KALRN: variants seen among roughly 807,000 people sequenced by gnomAD.
The protein encoded by KALRN is kalirin RhoGEF kinase, also known as kalirin.
In KALRN, 70 loss-of-function variants were observed where a neutral mutation model predicts 353.7. That is an observed-to-expected ratio of 0.20 (90% confidence interval 0.16 to 0.24). KALRN has a LOEUF of 0.24. KALRN is among the 10% of genes least tolerant of loss of function. The probability of loss-of-function intolerance (pLI) is 1.00; values close to 1 mark genes in which losing one functional copy is unlikely to be tolerated. For synonymous variants in KALRN, 1,391 were observed against 1,434.8 expected, an observed-to-expected ratio of 0.97 and a Z score of 0.69; for missense variants, 2,791 against 3,756.7, an observed-to-expected ratio of 0.74 and a Z score of 6.72.
At chr3:124,315,341 A>G (rs938588925) in intron 6 of KALRN, among the ~76,000 whole-genome samples, 2 of 152,152 alleles carry the variant, frequency 1.3e-5, no homozygotes, top group Admixed American at 1.3e-4. Context: ...CAGCCTTCTC[A>G]GTTTTGCTCT....
intron 34 of KALRN, among the ~76,000 whole-genome samples, chr3:124,563,424 T>C (rs1439170169): frequency 6.6e-6 from 1 of 152,162 alleles, no homozygotes; most frequent in African/African-American, 2.4e-5. Context: ...TTTGGCCAAA[T>C]ATGGTTTAGA....
At chr3:124,600,945 C>A (rs1362729563) in intron 34 of KALRN, among the ~76,000 whole-genome samples, 2 of 152,200 alleles carry the variant, frequency 1.3e-5, no homozygotes, top group African/African-American at 4.8e-5. Flanking sequence ...TAAGAAGGAA[C>A]ATGGGCCAGT....
intron 5 of KALRN, among the ~76,000 whole-genome samples, chr3:124,283,101 A>G (rs144557154): frequency 1.6e-3 from 238 of 152,328 alleles, no homozygotes; most frequent in African/African-American, 5.5e-3. Context: ...CCTTAGCCTC[A>G]TGTGGAGCTT....
chr3:124,091,578 G>A (rs1373405960), intron 1 of KALRN, among the ~76,000 whole-genome samples: 1 of 152,170 alleles, frequency 6.6e-6, no homozygotes, highest in Admixed American at 6.5e-5. Flanking sequence ...AAGGAACATC[G>A]AAGAGAAAGG....
chr3:124,700,736 G>C (rs192303659), intron 56 of KALRN, among the ~76,000 whole-genome samples: 15 of 152,210 alleles, frequency 9.9e-5, no homozygotes, highest in African/African-American at 3.4e-4. Flanking sequence ...AGCAGTGGGT[G>C]GGGGGCAGCT....
intron 1 of KALRN, among the ~76,000 whole-genome samples, chr3:124,126,858 G>C (rs2064740165): frequency 6.6e-6 from 1 of 152,192 alleles, no homozygotes; most frequent in South Asian, 2.1e-4. Flanking sequence ...TTGTCCAAGA[G>C]TGCCTGGCAC....
At chr3:124,556,478 G>T (rs2071261851) in intron 33 of KALRN, among the ~76,000 whole-genome samples, 1 of 152,174 alleles carries the variant, frequency 6.6e-6, no homozygotes, top group Non-Finnish European at 1.5e-5. Flanking sequence ...TTCTGGAGAA[G>T]CCTTCAGAGT....
rs1553719841 is a variant in KALRN, at chr3:124,664,371, G to GCGTGCGCGCGCA, written c.6346-2076_6346-2075insTGCGCGCGCACG. 8.2e-4 allele frequency among the ~76,000 whole-genome samples: 63 copies of GCGTGCGCGCGCA among 77,078 alleles called. No homozygotes were observed. In the South Asian group the frequency reaches 0.016, roughly 20 times the overall value. The allele number at this position is 77,078 out of a possible 152,430, so 50.6% of individuals were successfully genotyped here. On this transcript the variant is annotated intron_variant, in intron 45 of 59. Coordinates refer to ENST00000682506, the MANE Select transcript of KALRN (RefSeq NM_001388419.1). ...TGTGTGTGTGTGTGTGTGTGTGTGT[G>GCGTGCGCGCGCA]CGCGCGCGCGCATATAAGGGCACCC...
intron 12 of KALRN, 80 bp from the exon 13 acceptor site, chr3:124,398,617 G>C: frequency 7.0e-7 from 1 of 1,424,658 alleles, no homozygotes; most frequent in South Asian, 1.2e-5. Flanking sequence ...TTGCTCAGAT[G>C]AGGAAGATCC....
rs1401396167 is a variant in KALRN at position 124,519,800 on chromosome 3, T to C, written c.4935+23387T>C. 7.1e-6 allele frequency: 7 copies of C among 985,342 alleles called. No individual in the cohort carries two copies. In the East Asian group the frequency reaches 6.8e-4, roughly 96 times the overall value. 61.0% of individuals were successfully genotyped at this position (985,342 alleles called of 1,614,324 possible). On this transcript the variant is annotated intron_variant, in intron 33 of 59. Coordinates refer to ENST00000682506, the MANE Select transcript of KALRN (RefSeq NM_001388419.1). ...ATGACTGAGAATTGCTGCTGTCTTT[T>C]TTCCGTATGTCACTTTCTTGAATGT... is the stretch of plus-strand genomic sequence containing the variant.
chr3:124,447,009 A>G (rs187553863), intron 21 of KALRN, 124 bp downstream of exon 21: 5 of 1,103,748 alleles, frequency 4.5e-6, no homozygotes, highest in Middle Eastern at 3.1e-4. Flanking sequence ...GCAAGGGGGG[A>G]AGCATGTAAA....
chr3:124,244,881 T>A (rs1195431945), intron 3 of KALRN, among the ~76,000 whole-genome samples: 1 of 152,158 alleles, frequency 6.6e-6, no homozygotes, highest in African/African-American at 2.4e-5. Context: ...ATACATAATG[T>A]ACATATTTAT....
At chr3:124,525,471 TG>T (rs2067509290) in intron 33 of KALRN, among the ~76,000 whole-genome samples, 1 of 151,970 alleles carries the variant, frequency 6.6e-6, no homozygotes, top group Non-Finnish European at 1.5e-5. Flanking sequence ...AGTACCAGGT[TG>T]GGGGTGGGGA....
At chr3:124,250,856 A>G (rs1247996962) in intron 3 of KALRN, among the ~76,000 whole-genome samples, 1 of 151,858 alleles carries the variant, frequency 6.6e-6, no homozygotes, top group Non-Finnish European at 1.5e-5. Flanking sequence ...GAAGGAAGGG[A>G]TGAACAGCTC....
intron 3 of KALRN, 48 bp downstream of exon 3, chr3:124,234,991 C>A: frequency 7.2e-7 from 1 of 1,382,078 alleles, no homozygotes; most frequent in Non-Finnish European, 1.0e-6. Context: ...GGGAGCTGGG[C>A]TGATGCCAGT....
chr3:124,231,732 A>G (rs1487942756), intron 2 of KALRN, among the ~76,000 whole-genome samples: 1 of 151,230 alleles, frequency 6.6e-6, no homozygotes, highest in Non-Finnish European at 1.5e-5. Flanking sequence ...TTAATCTGGC[A>G]TTTTCCAAAC....
At chr3:124,229,986 A>G (rs2078974286) in intron 2 of KALRN, among the ~76,000 whole-genome samples, 1 of 152,210 alleles carries the variant, frequency 6.6e-6, no homozygotes, top group South Asian at 2.1e-4. Context: ...GGGGAGAGGC[A>G]TAGGTAACAC....
At chr3:124,215,358 A>T (rs1164016261) in intron 1 of KALRN, among the ~76,000 whole-genome samples, 5 of 152,190 alleles carry the variant, frequency 3.3e-5, no homozygotes, top group Non-Finnish European at 7.4e-5. Context: ...GCTTACTGGT[A>T]TGCAGTGGGA....
chr3:124,650,769 A>C, intron 37 of KALRN, 39 bp from the exon 38 acceptor site: 1 of 1,580,088 alleles, frequency 6.3e-7, no homozygotes, highest in Non-Finnish European at 8.6e-7. Flanking sequence ...ATGACTTTTC[A>C]AAGTACACTT....
Sources: gnomAD v4.1 joint callset for allele counts (sites outside exome capture counted in the v4.1 genomes callset) on GRCh38, gnomAD v4.1.1 for gene constraint, MANE v1.5 for transcripts, NCBI Gene and HGNC (gene_info 2026-07-23, HGNC 2026-07-21) for gene names.